The following REDIC1 variants were observed in gnomAD, a reference collection of about 807,000 sequenced individuals.
REDIC1 encodes regulator of DNA class I crossover intermediates 1.
At chr12:39,648,002 G>T in the REDIC1 span, 6 of 1,347,656 alleles carry the variant, frequency 4.5e-6, no homozygotes, top group South Asian at 1.9e-5. Flanking sequence ...TTAGTTCTTA[G>T]CATTTTATAT....
At chr12:39,669,968 G>T in the REDIC1 span, among the ~76,000 whole-genome samples, 2 of 152,154 alleles carry the variant, frequency 1.3e-5, no homozygotes, top group East Asian at 3.9e-4. Context: ...CTTTGACTAG[G>T]AGAGGGAATT....
At chr12:39,785,722 C>G in the REDIC1 span, among the ~76,000 whole-genome samples, 1 of 152,268 alleles carries the variant, frequency 6.6e-6, no homozygotes, top group East Asian at 1.9e-4. Context: ...TGCAAAGACA[C>G]AGGGGCGGAG....
chr12:39,879,586 C>G, the REDIC1 span, among the ~76,000 whole-genome samples: 1 of 152,146 alleles, frequency 6.6e-6, no homozygotes, highest in Non-Finnish European at 1.5e-5. Flanking sequence ...GGGGCCTGTA[C>G]CCCCTTTCTT....
the REDIC1 span, among the ~76,000 whole-genome samples, chr12:39,893,341 C>G: frequency 6.6e-6 from 1 of 152,132 alleles, no homozygotes; most frequent in Non-Finnish European, 1.5e-5. Flanking sequence ...ACTCTGTCGC[C>G]CAGGCTGGAG....
At chr12:39,740,725 G>A in the REDIC1 span, among the ~76,000 whole-genome samples, 3 of 152,034 alleles carry the variant, frequency 2.0e-5, no homozygotes, top group South Asian at 2.1e-4. Context: ...AACTATATCT[G>A]TTCAGAAAAT....
the REDIC1 span, among the ~76,000 whole-genome samples, chr12:39,812,112 G>A: frequency 6.6e-6 from 1 of 152,124 alleles, no homozygotes; most frequent in South Asian, 2.1e-4. Flanking sequence ...TGGAGGCTGG[G>A]AAGTCCAAGA....
the REDIC1 span, among the ~76,000 whole-genome samples, chr12:39,690,749 T>C: frequency 2.9e-4 from 44 of 152,090 alleles, no homozygotes; most frequent in African/African-American, 1.0e-3. Flanking sequence ...ATAAATGCAA[T>C]AAAAAGCCCA....
chr12:39,848,442 T>C, the REDIC1 span, among the ~76,000 whole-genome samples: 2 of 152,088 alleles, frequency 1.3e-5, no homozygotes, highest in Non-Finnish European at 2.9e-5. Context: ...TCACTAATCA[T>C]TAGAGAAATG....
chr12:39,783,988 G>A, the REDIC1 span, among the ~76,000 whole-genome samples: 1 of 152,116 alleles, frequency 6.6e-6, no homozygotes, highest in African/African-American at 2.4e-5. Context: ...GCTTCAAAGA[G>A]AATAAAATAC....
chr12:39,809,776 C>T, the REDIC1 span, among the ~76,000 whole-genome samples: 27 of 152,078 alleles, frequency 1.8e-4, 1 homozygote, highest in South Asian at 1.5e-3. Flanking sequence ...TTTGTCCTTG[C>T]GATAGTTTGC....
At chr12:39,861,515 G>A in the REDIC1 span, among the ~76,000 whole-genome samples, 46 of 152,150 alleles carry the variant, frequency 3.0e-4, no homozygotes, top group African/African-American at 9.9e-4. Flanking sequence ...ATAATAATAC[G>A]TCAAGTATTT....
chr12:39,662,835 A>G, the REDIC1 span, among the ~76,000 whole-genome samples: 26 of 152,160 alleles, frequency 1.7e-4, no homozygotes, highest in African/African-American at 5.8e-4. Context: ...TTTATCATGA[A>G]TGGGTGTTGA....
chr12:39,647,006 C>A, the REDIC1 span: 1 of 591,650 alleles, frequency 1.7e-6, no homozygotes, highest in Non-Finnish European at 2.8e-6. Context: ...GTCTTTAATT[C>A]TTTTAAAAGC....
chr12:39,706,846 A>C, the REDIC1 span, among the ~76,000 whole-genome samples: 1 of 152,046 alleles, frequency 6.6e-6, no homozygotes, highest in Non-Finnish European at 1.5e-5. Context: ...CCATATACAA[A>C]AATCAAATCA....
chr12:39,641,853 A>G, the REDIC1 span, among the ~76,000 whole-genome samples: 11 of 151,692 alleles, frequency 7.3e-5, no homozygotes, highest in Non-Finnish European at 1.5e-4. Flanking sequence ...CTTCCCAGCT[A>G]TCCCCTTTTA....
chr12:39,720,670 C>T, the REDIC1 span: 2 of 834,042 alleles, frequency 2.4e-6, no homozygotes, highest in South Asian at 3.3e-5. Flanking sequence ...GCCAAACTCT[C>T]TTCTGTATTT....
At chr12:39,805,172 G>A in the REDIC1 span, among the ~76,000 whole-genome samples, 24 of 150,178 alleles carry the variant, frequency 1.6e-4, no homozygotes, top group African/African-American at 5.9e-4. Context: ...TGTGTTGGAC[G>A]TGGCCAGAAT....
At chr12:39,843,821 T>C in the REDIC1 span, among the ~76,000 whole-genome samples, 119 of 152,172 alleles carry the variant, frequency 7.8e-4, no homozygotes, top group African/African-American at 2.7e-3. Flanking sequence ...TTAATATTAG[T>C]AATGCCTATC....
At chr12:39,655,581 T>C in the REDIC1 span, among the ~76,000 whole-genome samples, 15 of 152,194 alleles carry the variant, frequency 9.9e-5, no homozygotes, top group African/African-American at 3.6e-4. Context: ...GATTTCTCTA[T>C]GAAATTTCTT....
Sources: gnomAD v4.1 joint callset for allele counts (sites outside exome capture counted in the v4.1 genomes callset) on GRCh38, gnomAD v4.1.1 for gene constraint, MANE v1.5 for transcripts, NCBI Gene and HGNC (gene_info 2026-07-23, HGNC 2026-07-21) for gene names.